CSMD1: variants seen among roughly 807,000 people sequenced by gnomAD.
CSMD1 encodes the protein CUB and Sushi multiple domains 1.
In CSMD1, 213 loss-of-function variants were observed where a neutral mutation model predicts 417.5. The observed-to-expected ratio is 0.51, with a 90% confidence interval of 0.46 to 0.57. The LOEUF (loss-of-function observed/expected upper bound fraction) is 0.57, where lower values mean the gene tolerates loss of function less well. Ranked by LOEUF, CSMD1 falls within the 20% of genes least tolerant of loss-of-function variation. CSMD1 has a pLI of 0.00. For missense variants in CSMD1, 6,923 were observed against 4,529.7 expected, an observed-to-expected ratio of 1.53 and a Z score of -15.17; for synonymous variants, 2,862 against 1,736.8, an observed-to-expected ratio of 1.65 and a Z score of -16.11.
intron 5 of CSMD1, among the ~76,000 whole-genome samples, chr8:3,963,822 A>G (rs1372498500): frequency 6.6e-6 from 1 of 152,216 alleles, no homozygotes; most frequent in African/African-American, 2.4e-5. Flanking sequence ...TAAAATCAAC[A>G]TCAAATGTAA....
intron 5 of CSMD1, among the ~76,000 whole-genome samples, chr8:3,837,029 G>T (rs967945186): frequency 6.6e-6 from 1 of 151,708 alleles, no homozygotes; most frequent in Non-Finnish European, 1.5e-5. Context: ...CTTCTTGGTG[G>T]CCAGGCTGGG....
At chr8:3,294,566 T>A (rs1055153332) in intron 25 of CSMD1, among the ~76,000 whole-genome samples, 2 of 151,784 alleles carry the variant, frequency 1.3e-5, no homozygotes, top group Non-Finnish European at 2.9e-5. Flanking sequence ...CAGTTTGATC[T>A]GACTGCTGTG....
intron 5 of CSMD1, among the ~76,000 whole-genome samples, chr8:3,898,969 G>A (rs1807546282): frequency 6.6e-6 from 1 of 152,092 alleles, no homozygotes; most frequent in Non-Finnish European, 1.5e-5. Context: ...AAAAACAAAT[G>A]GGACCATACA....
intron 3 of CSMD1, among the ~76,000 whole-genome samples, chr8:4,081,445 G>C (rs1010585852): frequency 6.6e-6 from 1 of 151,914 alleles, no homozygotes; most frequent in Non-Finnish European, 1.5e-5. Context: ...CACCTTCTGG[G>C]GACTCCAGCC....
rs1321074908 is a variant in CSMD1 at position 4,031,980 on chromosome 8, C to G, written c.535G>C (p.Gly179Arg). The G allele has an allele frequency of 6.2e-7, 1 of 1,613,982 alleles. No homozygotes were observed. The highest frequency in any genetic ancestry group is 1.7e-5 in the Admixed American group (1 of 60,018). ...ACGATGCAGGTCAGGATGGCGTGGC[C>G]TTCCAAGATGTAGCCAGGGAGGCAG... Reference protein sequence around the residue: ...YSCLPGYILEGHAILTCIVSP... With the variant: ...YSCLPGYILERHAILTCIVSP... Residue 179 changes from glycine (G) to arginine (R), a missense_variant, in exon 4 of 70, where the codon GGC (glycine) becomes CGC (arginine). Transcript: ENST00000635120.
intron 5 of CSMD1, among the ~76,000 whole-genome samples, chr8:3,757,546 C>T (rs1265638981): frequency 6.6e-6 from 1 of 152,192 alleles, no homozygotes; most frequent in Non-Finnish European, 1.5e-5. Context: ...TTGCTGACCC[C>T]TGCTCTAGCA....
chr8:4,425,461 CT>C (rs1451444246), intron 2 of CSMD1, among the ~76,000 whole-genome samples: 12 of 151,494 alleles, frequency 7.9e-5, no homozygotes, highest in Non-Finnish European at 1.6e-4. Context: ...TCATAAAGAG[CT>C]TTCAAGAGCT....
intron 5 of CSMD1, among the ~76,000 whole-genome samples, chr8:3,948,831 A>AT (rs11429524): frequency 0.39 from 59,599 of 151,858 alleles, 11,804 homozygotes; most frequent in South Asian, 0.48. Flanking sequence ...AGACATTTTT[A>AT]TTTGCAAGGG....
chr8:4,019,596 C>G (rs779984487), intron 4 of CSMD1, among the ~76,000 whole-genome samples: 4 of 152,156 alleles, frequency 2.6e-5, no homozygotes, highest in Admixed American at 6.5e-5. Context: ...TTGCTGGCTG[C>G]TTGTTGTCAG....
intron 22 of CSMD1, among the ~76,000 whole-genome samples, chr8:3,344,128 G>T (rs1250642108): frequency 6.6e-6 from 1 of 152,196 alleles, no homozygotes; most frequent in Non-Finnish European, 1.5e-5. Flanking sequence ...GACAAGGCTT[G>T]GTTTTGACCA....
intron 3 of CSMD1, among the ~76,000 whole-genome samples, chr8:4,143,620 G>C (rs981322439): frequency 2.0e-5 from 3 of 150,948 alleles, no homozygotes; most frequent in Non-Finnish European, 2.9e-5. Flanking sequence ...GCACTCTGAG[G>C]GTACACCTGA....
chr8:4,664,117 T>C (rs1804773345), intron 1 of CSMD1, among the ~76,000 whole-genome samples: 1 of 152,182 alleles, frequency 6.6e-6, no homozygotes, highest in South Asian at 2.1e-4. Context: ...TGTTAAAATT[T>C]CTCACACCTG....
intron 36 of CSMD1, chr8:3,183,179 A>AATGTTTCTTAGCAGT: frequency 7.5e-6 from 1 of 133,870 alleles, no homozygotes; most frequent in East Asian, 2.1e-4. Context: ...GTAGGTCTCT[A>AATGTTTCTTAGCAGT]ACGCCTAATC....
chr8:3,109,519 T>C (rs561331303), intron 43 of CSMD1, among the ~76,000 whole-genome samples: 1 of 152,316 alleles, frequency 6.6e-6, no homozygotes, highest in African/African-American at 2.4e-5. Flanking sequence ...GTCTCCTTTC[T>C]TGCCCTCTGC....
rs142516886 is a variant in CSMD1 at position 3,062,463 on chromosome 8, T to A, written c.7475-9816A>T. ...GTTTGTTTGAAAGGATAAAGAAAAG[T>A]GTGTCTGAAAATGAATGTCCATAGA... On this transcript the variant is annotated intron_variant, in intron 49 of 69. Coordinates refer to ENST00000635120, the MANE Select transcript of CSMD1 (RefSeq NM_033225.6). Among the ~76,000 whole-genome samples the A allele has an allele frequency of 1.1e-3, 169 of 152,036 alleles. 2 individuals are homozygous for A. Among genetic ancestry groups the A allele is most frequent in the African/African-American group, 3.8e-3 (159 of 41,460 alleles).
Position 4,662,812 on chromosome 8 carries a change from G to A in CSMD1, c.86-25254C>T, listed in dbSNP as rs189441940. ...GGATTCAAGCTCAGGTGACAAACGAGTGCCCACATCATCAAAACATTGTGG... is the reference window on the plus strand; with the variant it reads ...GGATTCAAGCTCAGGTGACAAACGAATGCCCACATCATCAAAACATTGTGG... On this transcript the variant is annotated intron_variant, in intron 1 of 69. Coordinates refer to ENST00000635120, the MANE Select transcript of CSMD1 (RefSeq NM_033225.6). Among the ~76,000 whole-genome samples the A allele has an allele frequency of 1.6e-4, 25 of 152,260 alleles. No homozygotes were observed. In the East Asian group the frequency reaches 3.3e-3, roughly 20 times the overall value.
At chr8:3,425,723 A>G (rs1202090143) in intron 12 of CSMD1, among the ~76,000 whole-genome samples, 1 of 152,196 alleles carries the variant, frequency 6.6e-6, no homozygotes, top group Non-Finnish European at 1.5e-5. Context: ...AACATCAAAG[A>G]AAATCTGGCT....
intron 3 of CSMD1, among the ~76,000 whole-genome samples, chr8:4,235,689 T>G (rs942545087): frequency 2.6e-5 from 4 of 152,236 alleles, no homozygotes; most frequent in African/African-American, 9.6e-5. Context: ...CATGTTTTCC[T>G]GAAGAATTTT....
chr8:4,222,193 C>A (rs1028551713), intron 3 of CSMD1, among the ~76,000 whole-genome samples: 3 of 152,046 alleles, frequency 2.0e-5, no homozygotes, highest in Non-Finnish European at 4.4e-5. Context: ...CACTCACAAG[C>A]TCTACCAGAT....
Sources: allele counts gnomAD v4.1 joint callset (sites outside exome capture counted in the v4.1 genomes callset), GRCh38; gene constraint gnomAD v4.1.1; transcripts MANE v1.5; gene names NCBI Gene and HGNC (gene_info 2026-07-23, HGNC 2026-07-21).